Variants in PIK3R3 observed in about 807,000 individuals in gnomAD.
PIK3R3 encodes the protein phosphatidylinositol 3-kinase regulatory subunit gamma.
PIK3R3 carries 64 observed loss-of-function variants against 62.9 expected under a neutral mutation model. The observed-to-expected ratio is 1.02, with a 90% CI of 0.83 to 1.25. The LOEUF (loss-of-function observed/expected upper bound fraction) is 1.25, where lower values mean the gene tolerates loss of function less well. Among genes scored for constraint, PIK3R3 ranks in the 50% most tolerant of loss-of-function variants. PIK3R3 has a pLI of 0.00. For synonymous variants in PIK3R3, 165 were observed against 189.0 expected (o/e 0.87, Z 1.04); for missense variants, 614 against 561.6 (o/e 1.09, Z -0.94).
At position 46,043,661 on chromosome 1, in the gene PIK3R3, C is replaced by T. The variant is rs1647035363; in HGVS notation, c.*12G>A. 3.1e-6 allele frequency: 5 copies of T among 1,612,928 alleles called. No individual in the cohort carries two copies. Among genetic ancestry groups the T allele is most frequent in the Non-Finnish European group, 4.2e-6 (5 of 1,178,982 alleles). On this transcript the variant is annotated 3_prime_UTR_variant, in exon 10 of 10. Coordinates refer to ENST00000262741, the MANE Select transcript of PIK3R3 (RefSeq NM_003629.4). ...AAAATGCCAGAGAACCACCTCTCTT[C>T]CCACTTCCTCTTTATCTGCAAAGCG...
At chr1:46,145,657 C>T in the PIK3R3 span, among the ~76,000 whole-genome samples, 1 of 152,342 alleles carries the variant, frequency 6.6e-6, no homozygotes, top group South Asian at 2.1e-4. Flanking sequence ...ATGACCCAAA[C>T]ACCTCCCACT....
At chr1:46,092,237 A>G (rs1260082302) in intron 1 of PIK3R3, among the ~76,000 whole-genome samples, 1 of 152,256 alleles carries the variant, frequency 6.6e-6, no homozygotes, top group African/African-American at 2.4e-5. Flanking sequence ...TTCTGATTCC[A>G]TTGATCCAGA....
intron 7 of PIK3R3, among the ~76,000 whole-genome samples, chr1:46,055,228 C>A (rs1481297458): frequency 1.3e-5 from 2 of 152,114 alleles, no homozygotes; most frequent in African/African-American, 2.4e-5. Flanking sequence ...CCTGCCTCAG[C>A]CTCCTGAGTA....
rs1344716840 is a variant in PIK3R3 at position 46,045,911 on chromosome 1, G to GACTTACAC, written c.1186_1187+6dup. On this transcript the variant is annotated splice_region_variant and intron_variant, in intron 9 of 9. Transcript: ENST00000262741. Reference sequence around the variant, plus strand: ...TTCAAAAGGTTATATCCCCAGAGAAGACTTACACCACAGAGCAAGCATAGC... The same window carrying GACTTACAC: ...TTCAAAAGGTTATATCCCCAGAGAAGACTTACACACTTACACCACAGAGCAAGCATAGC... 2 of 1,608,456 alleles carry GACTTACAC rather than the reference G, an allele frequency of 1.2e-6. No individual in the cohort carries two copies. Among genetic ancestry groups the GACTTACAC allele is most frequent in the Non-Finnish European group, 8.5e-7 (1 of 1,175,592 alleles).
At chr1:46,113,365 T>C (rs191639267) in intron 1 of PIK3R3, among the ~76,000 whole-genome samples, 3 of 148,606 alleles carry the variant, frequency 2.0e-5, no homozygotes, top group Admixed American at 6.9e-5. Context: ...AATGACCCAA[T>C]CATAGTTCAC....
chr1:46,103,425 C>T (rs1652898141), intron 1 of PIK3R3, among the ~76,000 whole-genome samples: 2 of 151,856 alleles, frequency 1.3e-5, no homozygotes, highest in South Asian at 4.2e-4. Context: ...AAAAAATTGG[C>T]CAGGCACAGT....
chr1:46,072,389 CT>C (rs1026494752), intron 3 of PIK3R3, among the ~76,000 whole-genome samples: 1 of 152,216 alleles, frequency 6.6e-6, no homozygotes, highest in African/African-American at 2.4e-5. Flanking sequence ...CTGCGAGAAA[CT>C]TTCTCTCTGT....
intron 1 of PIK3R3, among the ~76,000 whole-genome samples, chr1:46,114,000 GAT>G (rs1400373350): frequency 6.6e-6 from 1 of 152,232 alleles, no homozygotes; most frequent in East Asian, 1.9e-4. Context: ...TATATTTACA[GAT>G]ATGTCTTTCA....
At chr1:46,080,560 T>C in intron 2 of PIK3R3, 82 bp downstream of exon 2, 1 of 934,278 alleles carries the variant, frequency 1.1e-6, no homozygotes, top group South Asian at 1.4e-5. Flanking sequence ...CATGCCCAGC[T>C]TAAAATGGTT....
chr1:46,072,437 C>G (rs954436696), intron 3 of PIK3R3, among the ~76,000 whole-genome samples: 2 of 152,246 alleles, frequency 1.3e-5, no homozygotes, highest in African/African-American at 4.8e-5. Flanking sequence ...AACATTTACT[C>G]AACACCTATC....
the PIK3R3 span, chr1:46,138,865 A>G: frequency 6.6e-6 from 1 of 152,230 alleles, no homozygotes; most frequent in African/African-American, 2.4e-5. Context: ...ATTTTCTTCC[A>G]GGGTAGAGGC....
chr1:46,128,965 G>A (rs1384687932), intron 1 of PIK3R3, among the ~76,000 whole-genome samples: 1 of 152,124 alleles, frequency 6.6e-6, no homozygotes, highest in East Asian at 1.9e-4. Flanking sequence ...CAGCTACTTG[G>A]GAGGCTGAGG....
chr1:46,097,708 T>G (rs1652271555), intron 1 of PIK3R3, among the ~76,000 whole-genome samples: 1 of 151,776 alleles, frequency 6.6e-6, no homozygotes, highest in South Asian at 2.1e-4. Flanking sequence ...GCCAACATGG[T>G]GAAACCCCGT....
the PIK3R3 span, among the ~76,000 whole-genome samples, chr1:46,138,243 C>T: frequency 6.6e-6 from 1 of 152,210 alleles, no homozygotes; most frequent in Admixed American, 6.5e-5. Flanking sequence ...TTTATGCCTT[C>T]TTTCTGGAAT....
intron 1 of PIK3R3, among the ~76,000 whole-genome samples, chr1:46,105,662 G>C (rs1232144273): frequency 6.6e-6 from 1 of 151,180 alleles, no homozygotes; most frequent in African/African-American, 2.4e-5. Flanking sequence ...CTCTACTAAA[G>C]ATAGAAAAAT....
intron 1 of PIK3R3, among the ~76,000 whole-genome samples, chr1:46,092,639 A>G (rs1466246564): frequency 6.6e-6 from 1 of 152,194 alleles, no homozygotes; most frequent in African/African-American, 2.4e-5. Flanking sequence ...CTGGGATTAC[A>G]GGAGTGAGCC....
intron 1 of PIK3R3, among the ~76,000 whole-genome samples, chr1:46,114,514 C>T (rs993762845): frequency 6.6e-6 from 1 of 152,182 alleles, no homozygotes; most frequent in Non-Finnish European, 1.5e-5. Context: ...TCAGTAACAT[C>T]TGGGAACGTG....
intron 1 of PIK3R3, among the ~76,000 whole-genome samples, chr1:46,102,657 G>T (rs1652806155): frequency 6.6e-6 from 1 of 152,024 alleles, no homozygotes; most frequent in African/African-American, 2.4e-5. Context: ...TGTTGGTAAG[G>T]AAGTGGAGTA....
At chr1:46,097,890 A>C (rs1309766450) in intron 1 of PIK3R3, among the ~76,000 whole-genome samples, 3 of 138,142 alleles carry the variant, frequency 2.2e-5, no homozygotes, top group Non-Finnish European at 3.1e-5. Flanking sequence ...ACTCCATCTC[A>C]AAAAAAAAAA....
Sources: allele counts gnomAD v4.1 joint callset (sites outside exome capture counted in the v4.1 genomes callset), GRCh38; gene constraint gnomAD v4.1.1; transcripts MANE v1.5; gene names NCBI Gene and HGNC (gene_info 2026-07-23, HGNC 2026-07-21).